ELMO1: variants seen among roughly 807,000 people sequenced by gnomAD.
ELMO1 encodes engulfment and cell motility protein 1.
In ELMO1, 26 loss-of-function variants were observed where a neutral mutation model predicts 98.9. That is an observed-to-expected ratio of 0.26 (90% CI 0.19 to 0.36). The LOEUF (loss-of-function observed/expected upper bound fraction) is 0.36. ELMO1 is among the 10% of genes least tolerant of loss of function. The pLI, the probability that ELMO1 is intolerant of heterozygous loss-of-function variation, is 1.00. For missense variants in ELMO1, 627 were observed against 935.2 expected (o/e 0.67, Z 4.30); for synonymous variants, 346 against 346.0 (o/e 1.00, Z 0.00).
chr7:37,344,033 A>ATTTTTT (rs10626425), intron 1 of ELMO1, among the ~76,000 whole-genome samples: 5,824 of 134,496 alleles, frequency 0.043, 358 homozygotes, highest in African/African-American at 0.079. Flanking sequence ...AAAAGGCAGC[A>ATTTTTT]TTTTTTTTTT....
At chr7:36,984,987 C>T in intron 16 of ELMO1, 12 of 985,380 alleles carry the variant, frequency 1.2e-5, no homozygotes, top group Non-Finnish European at 1.4e-5. Context: ...CATCTTGCCA[C>T]ATACATTTTT....
chr7:37,101,786 C>T (rs894618774), intron 14 of ELMO1, among the ~76,000 whole-genome samples: 7 of 151,820 alleles, frequency 4.6e-5, no homozygotes, highest in African/African-American at 1.2e-4. Context: ...GACACTAAAA[C>T]GGAGTCTGTC....
At chr7:37,040,407 C>T (rs1397498748) in intron 15 of ELMO1, among the ~76,000 whole-genome samples, 1 of 152,142 alleles carries the variant, frequency 6.6e-6, no homozygotes, top group African/African-American at 2.4e-5. Flanking sequence ...GCAAGACCAA[C>T]AGAAGAGAAC....
chr7:37,010,874 GA>G (rs1793499694), intron 16 of ELMO1, among the ~76,000 whole-genome samples: 1 of 152,006 alleles, frequency 6.6e-6, no homozygotes, highest in Non-Finnish European at 1.5e-5. Flanking sequence ...GAAAAAAAGA[GA>G]AAAAAAGCAA....
At chr7:37,171,476 C>T (rs528818738) in intron 13 of ELMO1, among the ~76,000 whole-genome samples, 3 of 108,356 alleles carry the variant, frequency 2.8e-5, no homozygotes, top group East Asian at 5.5e-4. Flanking sequence ...TGTAACCAGG[C>T]CTTTCTATTT....
chr7:37,188,025 T>TA (rs1370313747), intron 13 of ELMO1, among the ~76,000 whole-genome samples: 2 of 151,538 alleles, frequency 1.3e-5, no homozygotes, highest in East Asian at 1.9e-4. Context: ...TCACAGAGTT[T>TA]AAAAAAAAGC....
chr7:37,169,147 G>A (rs890055024), intron 13 of ELMO1, among the ~76,000 whole-genome samples: 29 of 152,206 alleles, frequency 1.9e-4, no homozygotes, highest in African/African-American at 6.8e-4. Flanking sequence ...TCCGAGCCAG[G>A]TGCGGGATAT....
intron 8 of ELMO1, among the ~76,000 whole-genome samples, chr7:37,231,258 C>G (rs887061126): frequency 5.9e-5 from 9 of 151,982 alleles, no homozygotes; most frequent in African/African-American, 1.7e-4. Context: ...TCCTACCCCC[C>G]TCATTCAACC....
At chr7:37,202,805 A>C (rs1180005582) in intron 13 of ELMO1, among the ~76,000 whole-genome samples, 1 of 151,140 alleles carries the variant, frequency 6.6e-6, no homozygotes, top group Non-Finnish European at 1.5e-5. Context: ...AAAATGAGCC[A>C]CCTCTTTTTC....
At chr7:37,329,905 T>C (rs1056068019) in intron 2 of ELMO1, among the ~76,000 whole-genome samples, 2 of 152,266 alleles carry the variant, frequency 1.3e-5, no homozygotes, top group Non-Finnish European at 2.9e-5. Context: ...TAGTTGTTTC[T>C]TGATTGGGCT....
At chr7:37,236,474 T>C (rs1412024107) in intron 7 of ELMO1, among the ~76,000 whole-genome samples, 2 of 152,202 alleles carry the variant, frequency 1.3e-5, no homozygotes, top group East Asian at 3.8e-4. Context: ...ATAGCTCTCT[T>C]GATCTATCTA....
intron 14 of ELMO1, among the ~76,000 whole-genome samples, chr7:37,121,295 G>A (rs1786015191): frequency 6.6e-6 from 1 of 152,212 alleles, no homozygotes; most frequent in Admixed American, 6.5e-5. Flanking sequence ...GACAAGTTCA[G>A]AGAAGAAGGC....
intron 6 of ELMO1, among the ~76,000 whole-genome samples, chr7:37,252,340 G>A (rs1795396107): frequency 1.3e-5 from 2 of 152,114 alleles, no homozygotes; most frequent in South Asian, 4.1e-4. Flanking sequence ...TATACTACAA[G>A]GCTACAGTAA....
intron 15 of ELMO1, among the ~76,000 whole-genome samples, chr7:37,089,147 T>C (rs1269454664): frequency 6.6e-6 from 1 of 152,240 alleles, no homozygotes; most frequent in East Asian, 1.9e-4. Context: ...GTGTCTATTC[T>C]AATTGCTGCT....
chr7:37,230,164 T>C (rs1336863442), intron 8 of ELMO1, among the ~76,000 whole-genome samples: 1 of 152,172 alleles, frequency 6.6e-6, no homozygotes, highest in Admixed American at 6.6e-5. Context: ...ATTAAGACCT[T>C]ACTCTGTGCC....
At chr7:37,103,636 C>A (rs1784767612) in intron 14 of ELMO1, among the ~76,000 whole-genome samples, 1 of 151,758 alleles carries the variant, frequency 6.6e-6, no homozygotes, top group East Asian at 1.9e-4. Context: ...ATGTAACTAA[C>A]CTGCACGTTG....
chr7:37,124,009 GCATA>G (rs1786302130), intron 14 of ELMO1, among the ~76,000 whole-genome samples: 1 of 152,040 alleles, frequency 6.6e-6, no homozygotes, highest in Non-Finnish European at 1.5e-5. Context: ...ACATAATCCA[GCATA>G]CAAACAGAAC....
intron 1 of ELMO1, among the ~76,000 whole-genome samples, chr7:37,434,704 TC>T (rs1183559181): frequency 6.6e-6 from 1 of 152,196 alleles, no homozygotes; most frequent in Non-Finnish European, 1.5e-5. Flanking sequence ...TCCAGTCTAA[TC>T]CACGCTGGAG....
At chr7:37,175,584 GCCTGT>G (rs1790454980) in intron 13 of ELMO1, among the ~76,000 whole-genome samples, 1 of 152,174 alleles carries the variant, frequency 6.6e-6, no homozygotes, top group Non-Finnish European at 1.5e-5. Flanking sequence ...TGTGGCTCAT[GCCTGT>G]AATCCTAGCA....
Sources: gnomAD v4.1 joint callset for allele counts (sites outside exome capture counted in the v4.1 genomes callset) on GRCh38, gnomAD v4.1.1 for gene constraint, MANE v1.5 for transcripts, NCBI Gene and HGNC (gene_info 2026-07-23, HGNC 2026-07-21) for gene names.